Variants in GPALPP1 observed in about 807,000 individuals in gnomAD.
GPALPP1 encodes the protein GPALPP motifs containing 1, also known as GPALPP motifs-containing protein 1.
A neutral mutation model predicts 38.9 loss-of-function variants in GPALPP1; 30 were observed. The ratio of observed to expected loss-of-function variants is 0.77; its 90% CI spans 0.58 to 1.05. The LOEUF is 1.05. Among genes scored for constraint, GPALPP1 ranks in the 50% least tolerant of loss-of-function variants. The pLI, the probability that GPALPP1 is intolerant of heterozygous loss-of-function variation, is 0.00. For missense variants in GPALPP1, 384 were observed against 408.8 expected (o/e 0.94, Z 0.52); for synonymous variants, 120 against 139.2 (o/e 0.86, Z 0.97).
At chr13:45,023,147 T>G (rs1477158549) in intron 7 of GPALPP1, among the ~76,000 whole-genome samples, 2 of 152,274 alleles carry the variant, frequency 1.3e-5, no homozygotes, top group African/African-American at 4.8e-5. Flanking sequence ...GTCAGCAAAT[T>G]AGTCATTTAG....
intron 4 of GPALPP1, among the ~76,000 whole-genome samples, chr13:45,014,194 T>A (rs190687008): frequency 5.5e-4 from 84 of 152,324 alleles, no homozygotes; most frequent in Middle Eastern, 3.4e-3. Flanking sequence ...TTTTGTTTTG[T>A]TTTCATGTCT....
At chr13:45,026,910 G>T (rs1352631851) in intron 7 of GPALPP1, among the ~76,000 whole-genome samples, 1 of 152,062 alleles carries the variant, frequency 6.6e-6, no homozygotes, top group Admixed American at 6.5e-5. Context: ...AGCCTCCTTT[G>T]TTAAATGAGA....
intron 7 of GPALPP1, 127 bp from the exon 8 acceptor site, chr13:45,027,657 AC>A: frequency 5.8e-6 from 3 of 517,654 alleles, no homozygotes; most frequent in South Asian, 3.7e-5. Context: ...AAAAAAAAAA[AC>A]TACTGGGGTT....
chr13:45,003,910 G>GA (rs200036968), intron 1 of GPALPP1, among the ~76,000 whole-genome samples: 12,188 of 143,642 alleles, frequency 0.085, 856 homozygotes, highest in African/African-American at 0.18. Context: ...TAAACTGTAA[G>GA]AAAAAAAAAA....
At chr13:45,015,734 G>A in intron 6 of GPALPP1, 138 bp downstream of exon 6, 1 of 523,844 alleles carries the variant, frequency 1.9e-6, no homozygotes, top group Non-Finnish European at 3.1e-6. Context: ...TTCCTCTGGA[G>A]GAAGAGTATG....
intron 7 of GPALPP1, among the ~76,000 whole-genome samples, chr13:45,024,605 CTG>C (rs1223441734): frequency 4.7e-5 from 7 of 150,188 alleles, no homozygotes; most frequent in East Asian, 4.1e-4. Flanking sequence ...GGCCCTAAAA[CTG>C]TGTATTTTTA....
At chr13:44,997,920 G>A (rs970093692) in intron 1 of GPALPP1, among the ~76,000 whole-genome samples, 5 of 152,102 alleles carry the variant, frequency 3.3e-5, no homozygotes, top group Admixed American at 6.6e-5. Context: ...GAAACCTCAC[G>A]CCTCCACAAG....
At chr13:44,994,643 T>C (rs773082531) in intron 1 of GPALPP1, among the ~76,000 whole-genome samples, 4 of 152,194 alleles carry the variant, frequency 2.6e-5, no homozygotes, top group African/African-American at 4.8e-5. Context: ...AGTACAAAAC[T>C]TCATCTTGGG....
intron 7 of GPALPP1, among the ~76,000 whole-genome samples, chr13:45,025,982 C>T (rs1875804895): frequency 6.6e-6 from 1 of 151,362 alleles, no homozygotes; most frequent in South Asian, 2.1e-4. Flanking sequence ...GTTGGTCAGG[C>T]TGGTCTCGAA....
chr13:45,019,667 CT>C (rs1875250737), intron 6 of GPALPP1, among the ~76,000 whole-genome samples: 1 of 149,452 alleles, frequency 6.7e-6, no homozygotes, highest in Non-Finnish European at 1.5e-5. Flanking sequence ...TTTTTTCCCC[CT>C]CCAGGGTGAT....
At chr13:44,996,049 G>C (rs1396555633) in intron 1 of GPALPP1, among the ~76,000 whole-genome samples, 1 of 152,256 alleles carries the variant, frequency 6.6e-6, no homozygotes. Context: ...CCTTTTGGCG[G>C]AGTAGAGGAC....
rs989983820 is a variant in GPALPP1 at position 45,029,392 on chromosome 13, A to G, written c.*1389A>G. 6.6e-6 allele frequency: 1 copy of G among 152,248 alleles called. No homozygotes were observed. The highest frequency in any genetic ancestry group is 1.5e-5 in the Non-Finnish European group (1 of 68,050). 9.4% of individuals were successfully genotyped at this position (152,248 alleles called of 1,614,324 possible). ...TATGTCCTTTTAAGGTCATGTGGAA[A>G]CATAAAACGAATGTTTTTTATGTAG... On this transcript the variant is annotated 3_prime_UTR_variant, in exon 8 of 8. Transcript: ENST00000379151.
At chr13:45,024,160 T>TGTGTGTGTGTGTGTGC (rs1875619830) in intron 7 of GPALPP1, among the ~76,000 whole-genome samples, 1 of 13,312 alleles carries the variant, frequency 7.5e-5, no homozygotes, top group African/African-American at 1.6e-4. Context: ...TGTGTGTGTG[T>TGTGTGTGTGTGTGTGC]GTGTGTGTGT....
At chr13:45,022,405 T>A (rs59521128) in intron 7 of GPALPP1, among the ~76,000 whole-genome samples, 10,654 of 151,948 alleles carry the variant, frequency 0.07, 561 homozygotes, top group African/African-American at 0.13. Context: ...TTATGCATTT[T>A]ATCATATGTA....
At chr13:44,995,209 C>CTTT (rs1555254088) in intron 1 of GPALPP1, among the ~76,000 whole-genome samples, 1 of 148,400 alleles carries the variant, frequency 6.7e-6, no homozygotes, top group Non-Finnish European at 1.5e-5. Flanking sequence ...CACACCCCTT[C>CTTT]TCTTTTGGTT....
chr13:45,008,785 T>C lies in GPALPP1; in HGVS notation c.324-10T>C. Reference sequence around the variant, plus strand: ...CAGGGAGAATGATAAAAGTACATTTTATTTTTCAGGCCCATAATAGGTCCT... The same window carrying C: ...CAGGGAGAATGATAAAAGTACATTTCATTTTTCAGGCCCATAATAGGTCCT... On this transcript the variant is annotated splice_polypyrimidine_tract_variant and intron_variant, in intron 3 of 7. Coordinates refer to ENST00000379151, the MANE Select transcript of GPALPP1 (RefSeq NM_018559.5). 2 of 1,453,736 alleles carry C rather than the reference T, an allele frequency of 1.4e-6. No individual in the cohort carries two copies. The highest frequency in any genetic ancestry group is 1.9e-6 in the Non-Finnish European group (2 of 1,038,324). The allele number at this position is 1,453,736 out of a possible 1,614,324, so 90.1% of individuals were successfully genotyped here. A position where few individuals can be genotyped will look rare whatever the true frequency, so the allele number is the denominator to read the frequency against.
At chr13:45,024,262 CTGTGTGTG>C (rs34572145) in intron 7 of GPALPP1, among the ~76,000 whole-genome samples, 42 of 24,254 alleles carry the variant, frequency 1.7e-3, no homozygotes, top group African/African-American at 3.6e-3. Flanking sequence ...CCCTAAAACT[CTGTGTGTG>C]TGTGTGTGTG....
At chr13:44,995,501 T>A (rs1873202967) in intron 1 of GPALPP1, among the ~76,000 whole-genome samples, 1 of 152,074 alleles carries the variant, frequency 6.6e-6, no homozygotes, top group African/African-American at 2.4e-5. Flanking sequence ...GATGAACTTC[T>A]AAAAAAAATC....
intron 1 of GPALPP1, among the ~76,000 whole-genome samples, chr13:44,998,891 A>G (rs1408625903): frequency 6.6e-6 from 1 of 152,202 alleles, no homozygotes; most frequent in Non-Finnish European, 1.5e-5. Flanking sequence ...AGGGAAGTGG[A>G]ACCAAGGCCA....
Sources: gnomAD v4.1 joint callset for allele counts (sites outside exome capture counted in the v4.1 genomes callset) on GRCh38, gnomAD v4.1.1 for gene constraint, MANE v1.5 for transcripts, NCBI Gene and HGNC (gene_info 2026-07-23, HGNC 2026-07-21) for gene names.